NAP1L4: variants seen among roughly 807,000 people sequenced by gnomAD.
NAP1L4 encodes nucleosome assembly protein 1 like 4.
In NAP1L4, 15 loss-of-function variants were observed where a neutral mutation model predicts 58.2. The ratio of observed to expected loss-of-function variants is 0.26; its 90% CI spans 0.17 to 0.40. NAP1L4 has a LOEUF of 0.40. Ranked by LOEUF, NAP1L4 falls within the 10% of genes least tolerant of loss-of-function variation. The pLI is 1.00. For synonymous variants in NAP1L4, 171 were observed against 155.6 expected (o/e 1.10, Z -0.74); for missense variants, 384 against 451.1 (o/e 0.85, Z 1.35).
At chr11:2,980,398 TGA>T (rs1365758075) in intron 1 of NAP1L4, among the ~76,000 whole-genome samples, 1 of 152,130 alleles carries the variant, frequency 6.6e-6, no homozygotes, top group Non-Finnish European at 1.5e-5. Context: ...TTGCCCAGGC[TGA>T]GTCCCAAACT....
In NAP1L4 at chr11:2,964,657, CAGA is replaced by C. The variant is rs1255078731; in HGVS notation, c.606+20_606+22del. On this transcript the variant is annotated intron_variant, in intron 8 of 15. Transcript: ENST00000380542. ...TGGACTGACCCTGTCTGATGCCAAC[CAGA>C]AGGTCAAGTCAGTACTCACCATAGG... is the stretch of plus-strand genomic sequence containing the variant. The C allele has an allele frequency of 1.9e-6, 3 of 1,602,342 alleles. No individual in the cohort carries two copies. Among genetic ancestry groups the C allele is most frequent in the African/African-American group, 2.7e-5 (2 of 74,450 alleles).
At chr11:2,958,217 C>G in intron 10 of NAP1L4, 182 bp downstream of exon 10, 1 of 711,218 alleles carries the variant, frequency 1.4e-6, no homozygotes, top group African/African-American at 1.7e-5. Context: ...CTAGCTACCT[C>G]TGCCCCCCGC....
chr11:2,962,759 T>TA (rs1388784001), intron 8 of NAP1L4, among the ~76,000 whole-genome samples: 1 of 151,322 alleles, frequency 6.6e-6, no homozygotes, highest in Non-Finnish European at 1.5e-5. Flanking sequence ...GATGACAGGC[T>TA]AAGAAAGAAA....
intron 1 of NAP1L4, chr11:2,981,684 G>C (rs1190152173): frequency 6.6e-6 from 1 of 151,696 alleles, no homozygotes; most frequent in South Asian, 2.1e-4. Context: ...AAAATTAGCC[G>C]GGCATGGTGG....
At chr11:2,964,532 C>A in intron 8 of NAP1L4, 148 bp downstream of exon 8, 1 of 638,900 alleles carries the variant, frequency 1.6e-6, no homozygotes, top group Non-Finnish European at 2.8e-6. Flanking sequence ...CTCAGTCTAA[C>A]TCTTGGAGAG....
chr11:2,971,579 T>C lies in NAP1L4; in HGVS notation c.316-45A>G. On this transcript the variant is annotated intron_variant, in intron 5 of 15. Transcript: ENST00000380542. This position sits in a 1 kb window ranked among gnomAD's most constrained non-coding sequence, Gnocchi z 4.2. ...TATTAGAATTATGTTATTAGCTTAC[T>C]TAGGAACTCAAGAGTTAAATTTATA... 6.7e-7 allele frequency: 1 copy of C among 1,500,298 alleles called. No individual in the cohort carries two copies. The highest frequency in any genetic ancestry group is 9.2e-7 in the Non-Finnish European group (1 of 1,086,372). The allele number at this position is 1,500,298 out of a possible 1,614,324, so 92.9% of individuals were successfully genotyped here. A position where few individuals can be genotyped will look rare whatever the true frequency, so the allele number is the denominator to read the frequency against.
chr11:2,959,876 CGTT>C lies in NAP1L4; in HGVS notation c.637_639del (p.Asn213del), dbSNP rs1564977527. The C allele has an allele frequency of 1.2e-6, 2 of 1,614,110 alleles. No homozygotes were observed. The highest frequency in any genetic ancestry group is 1.7e-6 in the Non-Finnish European group (2 of 1,180,012). On this transcript the variant is annotated inframe_deletion, in exon 9 of 16. Transcript: ENST00000380542. The surrounding 1 kb of genome is among the most constrained non-coding windows in gnomAD (Gnocchi z 4.9). Reference sequence around the variant, plus strand: ...GTCAGGACTGAGTTGGTAAAGTAGTCGTTGGGTTCAAAGTGGAACTCTAACACA... The same window carrying C: ...GTCAGGACTGAGTTGGTAAAGTAGTCGGGTTCAAAGTGGAACTCTAACACA...
At chr11:2,962,186 C>T (rs1846965577) in intron 8 of NAP1L4, among the ~76,000 whole-genome samples, 1 of 152,222 alleles carries the variant, frequency 6.6e-6, no homozygotes, top group South Asian at 2.1e-4. Flanking sequence ...CTAAGGAAAC[C>T]ATCAAACATT....
intron 7 of NAP1L4, among the ~76,000 whole-genome samples, chr11:2,965,014 A>AC (rs1847178733): frequency 6.6e-6 from 1 of 152,078 alleles, no homozygotes; most frequent in Admixed American, 6.5e-5. Flanking sequence ...TGCCACTGAC[A>AC]CCCGCCTGCC....
rs1848955654 is a variant in NAP1L4, at chr11:2,991,379, T to C, written c.-18+875A>G. The C allele has an allele frequency of 4.9e-5, 12 of 244,918 alleles. No homozygotes were observed. The South Asian group carries it at 4.9e-4, about 10-fold the overall frequency. The allele number at this position is 244,918 out of a possible 1,614,324, so 15.2% of individuals were successfully genotyped here. A position where few individuals can be genotyped will look rare whatever the true frequency, so the allele number is the denominator to read the frequency against. The stretch of plus-strand genomic sequence containing the variant: ...CAGGTCAAAAAATACAAATGTGACC[T>C]CTTCCACCATCTCTGAACTGAAAGA... On this transcript the variant is annotated intron_variant, in intron 1 of 15. Transcript: ENST00000380542.
At chr11:2,984,151 A>G (rs1201835449) in intron 1 of NAP1L4, among the ~76,000 whole-genome samples, 2 of 134,268 alleles carry the variant, frequency 1.5e-5, no homozygotes, top group East Asian at 2.3e-4. Context: ...TGGACAACAG[A>G]GCAAGACCCT....
intron 15 of NAP1L4, 58 bp from the exon 16 acceptor site, chr11:2,945,704 G>A (rs900986968): frequency 5.7e-6 from 8 of 1,396,594 alleles, no homozygotes; most frequent in Non-Finnish European, 7.8e-6. Context: ...TCACCAATTA[G>A]CTCCAATCAA....
In NAP1L4 at chr11:2,962,523, C is replaced by T. The variant is rs560819907; in HGVS notation, c.606+2157G>A. Reference sequence around the variant, plus strand: ...TCTTTATAACTTAAAATGCATTAGACGCTTCATAATAATTTTACAAAGGAA... The same window carrying T: ...TCTTTATAACTTAAAATGCATTAGATGCTTCATAATAATTTTACAAAGGAA... On this transcript the variant is annotated intron_variant, in intron 8 of 15. Transcript: ENST00000380542. 3.9e-5 allele frequency among the ~76,000 whole-genome samples: 6 copies of T among 152,272 alleles called. No individual in the cohort carries two copies. The South Asian group carries it at 6.2e-4, about 16-fold the overall frequency.
intron 7 of NAP1L4, among the ~76,000 whole-genome samples, chr11:2,967,273 G>T (rs1179270586): frequency 6.6e-6 from 1 of 152,080 alleles, no homozygotes; most frequent in African/African-American, 2.4e-5. Context: ...CCTTAAAAAT[G>T]AAAGGGCTTC....
chr11:2,955,773 A>C lies in NAP1L4; in HGVS notation c.893-7T>G. The stretch of plus-strand genomic sequence containing the variant: ...GATTCTCCATCCCCGGATGCTAGAA[A>C]AAGAAAAGACAAAACATATTTAAAT... On this transcript the variant is annotated splice_polypyrimidine_tract_variant and splice_region_variant and intron_variant, in intron 10 of 15. Coordinates refer to ENST00000380542, the MANE Select transcript of NAP1L4 (RefSeq NM_005969.4). This position sits in a 1 kb window ranked among gnomAD's most constrained non-coding sequence, Gnocchi z 4.2. 6.2e-7 allele frequency: 1 copy of C among 1,612,468 alleles called. No individual in the cohort carries two copies. The highest frequency in any genetic ancestry group is 1.1e-5 in the South Asian group (1 of 91,048).
chr11:2,964,720 T>C lies in NAP1L4; in HGVS notation c.566A>G (p.Gln189Arg). 6.2e-7 allele frequency: 1 copy of C among 1,613,980 alleles called. No individual in the cohort carries two copies. Among genetic ancestry groups the C allele is most frequent in the South Asian group, 1.1e-5 (1 of 91,056 alleles). The change falls in exon 8 of 16, where the codon CAG (glutamine) becomes CGG (arginine). Residue 189 changes from glutamine (Q) to arginine (R), a missense_variant. Physicochemically the swap from Gln to Arg is conservative, Grantham distance 43. Around this residue, in one of 3 missense-constraint regions of NAP1L4, gnomAD observed 296 missense variants for 360.8 expected, o/e 0.82. Transcript: ENST00000380542. ...EYDEPILKHL[Q>R]DIKVKFSDPG... is the part of the protein sequence containing the mutation. ...GTCAGAAAATTTCACTTTAATATCCTGCAGGTGTTTCAAGATTGGTTCATC... is the reference window on the plus strand; with the variant it reads ...GTCAGAAAATTTCACTTTAATATCCCGCAGGTGTTTCAAGATTGGTTCATC...
chr11:2,949,201 T>C lies in NAP1L4; in HGVS notation c.*32+26A>G. On this transcript the variant is annotated intron_variant, in intron 15 of 15. Transcript: ENST00000380542. This position sits in a 1 kb window ranked among gnomAD's most constrained non-coding sequence, Gnocchi z 4.0. ...AAGTATAGATCAGAAGTTTGGAAGTTAGGTATGAATGGAATTCCACCTTAC... is the reference window on the plus strand; with the variant it reads ...AAGTATAGATCAGAAGTTTGGAAGTCAGGTATGAATGGAATTCCACCTTAC... 17 of 1,550,368 alleles carry C rather than the reference T, an allele frequency of 1.1e-5. No homozygotes were observed. Among genetic ancestry groups the C allele is most frequent in the Non-Finnish European group, 1.5e-5 (17 of 1,123,746 alleles).
In NAP1L4 at chr11:2,951,332, A is replaced by C; in HGVS notation, c.1066-17T>G. On this transcript the variant is annotated splice_polypyrimidine_tract_variant and intron_variant, in intron 13 of 15. Coordinates refer to ENST00000380542, the MANE Select transcript of NAP1L4 (RefSeq NM_005969.4). The surrounding 1 kb of genome is among the most constrained non-coding windows in gnomAD (Gnocchi z 4.0). The stretch of plus-strand genomic sequence containing the variant: ...TTCTAATTCCTGTATTTAAAAAGTG[A>C]GAATTAGCTGGAATGACAAGATTTA... 6.2e-7 allele frequency: 1 copy of C among 1,609,826 alleles called. No homozygotes were observed. Among genetic ancestry groups the C allele is most frequent in the Non-Finnish European group, 8.5e-7 (1 of 1,176,222 alleles).
chr11:2,971,797 C>G lies in NAP1L4; in HGVS notation c.316-263G>C, dbSNP rs1847654688. ...AAAGATTTTCAACTTCCTGATGGTG[C>G]AGAAGCCATCACACTTTGGGCACCA... On this transcript the variant is annotated intron_variant, in intron 5 of 15. Coordinates refer to ENST00000380542, the MANE Select transcript of NAP1L4 (RefSeq NM_005969.4). This position sits in a 1 kb window ranked among gnomAD's most constrained non-coding sequence, Gnocchi z 4.2. Among the ~76,000 whole-genome samples, 1 of 152,156 alleles carries G rather than the reference C, an allele frequency of 6.6e-6. No individual in the cohort carries two copies. Among genetic ancestry groups the G allele is most frequent in the African/African-American group, 2.4e-5 (1 of 41,412 alleles).
Sources: gnomAD v4.1 joint callset for allele counts (sites outside exome capture counted in the v4.1 genomes callset) on GRCh38, gnomAD v4.1.1 for gene constraint, gnomAD v4.1.1 regional missense constraint, Gnocchi (gnomAD v3.1) non-coding constraint, MANE v1.5 for transcripts, NCBI Gene and HGNC (gene_info 2026-07-23, HGNC 2026-07-21) for gene names.